DCDC2C: variants seen among roughly 807,000 people sequenced by gnomAD.
The protein encoded by DCDC2C is doublecortin domain containing 2C.
A neutral mutation model predicts 45.0 loss-of-function variants in DCDC2C; 44 were observed. The ratio of observed to expected loss-of-function variants is 0.98; its 90% CI spans 0.77 to 1.26. The LOEUF (loss-of-function observed/expected upper bound fraction) is 1.26, where lower values mean the gene tolerates loss of function less well. Ranked by LOEUF, DCDC2C falls within the 50% of genes most tolerant of loss-of-function variation. DCDC2C has a pLI of 0.00. For synonymous variants in DCDC2C, 187 were observed against 178.8 expected (o/e 1.05, Z -0.37); for missense variants, 447 against 468.9 (o/e 0.95, Z 0.43).
At chr2:3,781,351 T>C (rs757036303) in intron 9 of DCDC2C, among the ~76,000 whole-genome samples, 1 of 152,254 alleles carries the variant, frequency 6.6e-6, no homozygotes. Flanking sequence ...TTAAAAATTT[T>C]AGGCATATGA....
intron 3 of DCDC2C, among the ~76,000 whole-genome samples, chr2:3,739,526 C>A (rs1220618928): frequency 1.3e-5 from 2 of 152,246 alleles, no homozygotes; most frequent in Non-Finnish European, 1.5e-5. Flanking sequence ...GAGGAACGCA[C>A]CAACAGGCAC....
chr2:3,758,954 C>T (rs1036212102), intron 6 of DCDC2C, among the ~76,000 whole-genome samples: 2 of 152,210 alleles, frequency 1.3e-5, no homozygotes, highest in African/African-American at 4.8e-5. Context: ...AGCCGATTCA[C>T]TTTGCAAACC....
intron 9 of DCDC2C, among the ~76,000 whole-genome samples, chr2:3,781,299 T>C (rs1670501905): frequency 6.6e-6 from 1 of 152,270 alleles, no homozygotes; most frequent in Non-Finnish European, 1.5e-5. Flanking sequence ...GTACATTCAT[T>C]TGACAAATTA....
At chr2:3,709,953 G>A (rs928814832) in intron 2 of DCDC2C, among the ~76,000 whole-genome samples, 5 of 152,158 alleles carry the variant, frequency 3.3e-5, no homozygotes, top group South Asian at 2.1e-4. Flanking sequence ...GTCTACACCC[G>A]CGCTGGCCTT....
chr2:3,731,511 C>T (rs1373375668), intron 3 of DCDC2C, among the ~76,000 whole-genome samples: 1 of 152,288 alleles, frequency 6.6e-6, no homozygotes, highest in Middle Eastern at 3.4e-3. Flanking sequence ...AAGAGCTAAC[C>T]GGGAGTAGAT....
intron 9 of DCDC2C, among the ~76,000 whole-genome samples, chr2:3,779,183 A>G (rs1362750561): frequency 5.9e-5 from 9 of 152,260 alleles, no homozygotes; most frequent in Non-Finnish European, 8.8e-5. Context: ...ATGTACTTTT[A>G]GCTGGGAACG....
intron 3 of DCDC2C, among the ~76,000 whole-genome samples, chr2:3,737,065 C>G (rs1323940102): frequency 6.6e-6 from 1 of 152,132 alleles, no homozygotes; most frequent in Non-Finnish European, 1.5e-5. Flanking sequence ...ATGGCTCCAT[C>G]CAATCCATGT....
At chr2:3,822,992 C>T (rs1297334230) in intron 10 of DCDC2C, among the ~76,000 whole-genome samples, 1 of 152,114 alleles carries the variant, frequency 6.6e-6, no homozygotes, top group Non-Finnish European at 1.5e-5. Flanking sequence ...GTGACTTGTT[C>T]CTCCTTGCCT....
intron 10 of DCDC2C, among the ~76,000 whole-genome samples, chr2:3,821,041 CA>C (rs969775051): frequency 6.6e-6 from 1 of 151,776 alleles, no homozygotes; most frequent in African/African-American, 2.4e-5. Context: ...GGGCTGAGTC[CA>C]AAAAGAGAGT....
At chr2:3,715,791 G>A (rs920426380) in intron 2 of DCDC2C, among the ~76,000 whole-genome samples, 1 of 152,228 alleles carries the variant, frequency 6.6e-6, no homozygotes, top group Non-Finnish European at 1.5e-5. Context: ...TGTACAAAAA[G>A]GAAAAACATC....
Position 3,806,964 on chromosome 2 carries a change from C to T in DCDC2C, c.1065+21864C>T, listed in dbSNP as rs138012671. On this transcript the variant is annotated intron_variant, in intron 10 of 10. Transcript: ENST00000399143. ...GAGTCCTTGGTGAATTCCTGGACTG[C>T]GTTCTGAAGATGACTGGCGTTGGGG... is the stretch of plus-strand genomic sequence containing the variant. 2.9e-3 allele frequency among the ~76,000 whole-genome samples: 448 copies of T among 152,212 alleles called. 1 individual carries two copies. The highest frequency in any genetic ancestry group is 5.4e-3 in the Non-Finnish European group (365 of 68,012).
chr2:3,841,011 A>G (rs2148246229), intron 10 of DCDC2C, among the ~76,000 whole-genome samples: 1 of 152,366 alleles, frequency 6.6e-6, no homozygotes, highest in South Asian at 2.1e-4. Flanking sequence ...TCAGCTGACA[A>G]ATGAAGATTT....
At chr2:3,819,580 T>A (rs1204815709) in intron 10 of DCDC2C, among the ~76,000 whole-genome samples, 1 of 152,230 alleles carries the variant, frequency 6.6e-6, no homozygotes, top group Non-Finnish European at 1.5e-5. Flanking sequence ...CTTTATTTAA[T>A]GTCAGGAGCA....
intron 10 of DCDC2C, among the ~76,000 whole-genome samples, chr2:3,820,681 A>G (rs1051401673): frequency 3.9e-5 from 6 of 152,166 alleles, no homozygotes; most frequent in African/African-American, 1.4e-4. Context: ...CTAGAGAGGA[A>G]AAAGAACTGG....
At chr2:3,829,222 C>A (rs1454684243) in intron 10 of DCDC2C, among the ~76,000 whole-genome samples, 2 of 151,844 alleles carry the variant, frequency 1.3e-5, no homozygotes, top group Admixed American at 1.3e-4. Flanking sequence ...GCCTGAGAAT[C>A]CGGATGCATA....
At position 3,728,340 on chromosome 2, in the gene DCDC2C, C is replaced by T. The variant is rs114717989; in HGVS notation, c.416+1261C>T. Among the ~76,000 whole-genome samples, 774 of 152,308 alleles carry T rather than the reference C, an allele frequency of 5.1e-3. 10 individuals are homozygous for T. The highest frequency in any genetic ancestry group is 0.018 in the African/African-American group (738 of 41,554). Reference sequence around the variant, plus strand: ...ACCTAAATACACAGATCTTTCCACACCACTTTTCATGTACCTAAGAGCTGT... The same window carrying T: ...ACCTAAATACACAGATCTTTCCACATCACTTTTCATGTACCTAAGAGCTGT... On this transcript the variant is annotated intron_variant, in intron 3 of 10. Transcript: ENST00000399143.
intron 2 of DCDC2C, among the ~76,000 whole-genome samples, chr2:3,708,812 G>A (rs1269892247): frequency 6.6e-6 from 1 of 152,236 alleles, no homozygotes; most frequent in Non-Finnish European, 1.5e-5. Flanking sequence ...GAGAGGCTAA[G>A]ATGTGCAGAG....
rs190388492 is a variant in DCDC2C at position 3,734,892 on chromosome 2, A to G, written c.417-7028A>G. Among the ~76,000 whole-genome samples, 35 of 152,268 alleles carry G rather than the reference A, an allele frequency of 2.3e-4. No homozygotes were observed. Among genetic ancestry groups the G allele is most frequent in the African/African-American group, 8.2e-4 (34 of 41,558 alleles). ...TTCAGGTTCATGAAAGTGTCTTTAG[A>G]TAGGGGGTTCCTTACTCCCGGGTCC... On this transcript the variant is annotated intron_variant, in intron 3 of 10. Coordinates refer to ENST00000399143, the MANE Select transcript of DCDC2C (RefSeq NM_001287444.2). The surrounding 1 kb of genome is among the most constrained non-coding windows in gnomAD (Gnocchi z 4.2).
At chr2:3,847,067 C>G in intron 10 of DCDC2C, 87 bp from the exon 11 acceptor site, 1 of 757,914 alleles carries the variant, frequency 1.3e-6, no homozygotes, top group Non-Finnish European at 1.7e-6. Context: ...AACAGAAATG[C>G]AAGCTCCTGA....
Sources: gnomAD v4.1 joint callset for allele counts (sites outside exome capture counted in the v4.1 genomes callset) on GRCh38, gnomAD v4.1.1 for gene constraint, Gnocchi (gnomAD v3.1) non-coding constraint, MANE v1.5 for transcripts, NCBI Gene and HGNC (gene_info 2026-07-23, HGNC 2026-07-21) for gene names.